Variants in RIF1 observed in about 807,000 individuals in gnomAD.
RIF1 encodes the protein replication timing regulatory factor 1.
Under a neutral mutation model 247.1 loss-of-function variants are expected in RIF1, and 45 were observed. That is an observed-to-expected ratio of 0.18 (90% confidence interval 0.14 to 0.23). The LOEUF is 0.23. Ranked by LOEUF, RIF1 falls within the 10% of genes least tolerant of loss-of-function variation. The pLI, the probability that RIF1 is intolerant of heterozygous loss-of-function variation, is 1.00. For synonymous variants in RIF1, 1,087 were observed against 978.8 expected (o/e 1.11, Z -2.06); for missense variants, 2,967 against 2,862.5 (o/e 1.04, Z -0.83).
At chr2:151,510,136 G>A (rs2153226678), downstream of RIF1, among the ~76,000 whole-genome samples, 1 of 152,252 alleles carries the variant, frequency 6.6e-6, no homozygotes, top group Middle Eastern at 3.4e-3. Context: ...ATTTAAATGG[G>A]TTCAGGTGCT....
At chr2:151,482,565 C>T (rs1343050729), downstream of RIF1, among the ~76,000 whole-genome samples, 2 of 152,122 alleles carry the variant, frequency 1.3e-5, no homozygotes, top group African/African-American at 4.8e-5. Flanking sequence ...CCAGGCTAGT[C>T]ACCAGATGAA....
intron 24 of RIF1, among the ~76,000 whole-genome samples, chr2:151,458,314 G>T (rs981058880): frequency 4.2e-5 from 6 of 141,500 alleles, no homozygotes; most frequent in Admixed American, 7.9e-5. Context: ...CTCACTGCAA[G>T]CTCTGCCTCC....
chr2:151,481,155 G>GT lies in RIF1; in HGVS notation c.*6087dup, dbSNP rs1208886394. The GT allele has an allele frequency of 6.6e-6, 1 of 152,200 alleles. No individual in the cohort carries two copies. Among genetic ancestry groups the GT allele is most frequent in the African/African-American group, 2.4e-5 (1 of 41,450 alleles). The allele number at this position is 152,200 out of a possible 1,614,324, so 9.4% of individuals were successfully genotyped here. A position where few individuals can be genotyped will look rare whatever the true frequency, so the allele number is the denominator to read the frequency against. ...AAAATACTGCCTGGCCTTTTAAAGAGTTTGTCAATCCCTTTTATGGAGGAA... is the reference window on the plus strand; with the variant it reads ...AAAATACTGCCTGGCCTTTTAAAGAGTTTTGTCAATCCCTTTTATGGAGGAA... On this transcript the variant is annotated 3_prime_UTR_variant, in exon 36 of 36. Transcript: ENST00000444746.
rs1305665325 is a variant in RIF1 at position 151,477,148 on chromosome 2, G to A, written c.*2077G>A. 1 of 152,160 alleles carries A rather than the reference G, an allele frequency of 6.6e-6. No homozygotes were observed. Among genetic ancestry groups the A allele is most frequent in the Non-Finnish European group, 1.5e-5 (1 of 68,022 alleles). The allele number at this position is 152,160 out of a possible 1,614,324, so 9.4% of individuals were successfully genotyped here. A position where few individuals can be genotyped will look rare whatever the true frequency, so the allele number is the denominator to read the frequency against. On this transcript the variant is annotated 3_prime_UTR_variant, in exon 36 of 36. Transcript: ENST00000444746. The stretch of plus-strand genomic sequence containing the variant: ...AATCTTCATTTTGCTATGGCTATAA[G>A]CATATATTTTTGGCAACTTATTTGC...
At chr2:151,506,647 T>A (rs991769992) in intron 13 of RIF1, among the ~76,000 whole-genome samples, 1 of 152,214 alleles carries the variant, frequency 6.6e-6, no homozygotes, top group Non-Finnish European at 1.5e-5. Flanking sequence ...TCCATCTTCT[T>A]GGAGCAAGAC....
chr2:151,526,146 G>A, the RIF1 span: 5 of 1,612,946 alleles, frequency 3.1e-6, no homozygotes, highest in African/African-American at 6.7e-5. Flanking sequence ...CTCATGGGCG[G>A]CTGGGGGTTA....
At chr2:151,511,117 T>G (rs1318389849), downstream of RIF1, among the ~76,000 whole-genome samples, 2 of 152,166 alleles carry the variant, frequency 1.3e-5, no homozygotes, top group African/African-American at 4.8e-5. Flanking sequence ...TGCTGAAGCT[T>G]TCGTTAAAGA....
At chr2:151,456,782 GAGTGC>G (rs1257519199) in intron 23 of RIF1, among the ~76,000 whole-genome samples, 162 bp downstream of exon 23, 1 of 152,114 alleles carries the variant, frequency 6.6e-6, no homozygotes, top group African/African-American at 2.4e-5. Flanking sequence ...ACCCAAGCTG[GAGTGC>G]AGTGGCAGGA....
intron 3 of RIF1, among the ~76,000 whole-genome samples, chr2:151,413,356 C>T (rs1335373090): frequency 1.3e-5 from 2 of 151,972 alleles, no homozygotes; most frequent in South Asian, 2.1e-4. Context: ...TTGCATTGTT[C>T]GTAAATAGGA....
Position 151,428,704 on chromosome 2 carries a change from G to GTGAA in RIF1, c.787-74_787-71dup, listed in dbSNP as rs1689544136. ...ATGAAGTCCTAAGAGCATCTGTTAA[G>GTGAA]TGAATGAATAAAGGAATGATAGCAA... On this transcript the variant is annotated intron_variant, in intron 8 of 35. Transcript: ENST00000444746. The GTGAA allele has an allele frequency of 3.6e-6, 4 of 1,107,122 alleles. No homozygotes were observed. In the East Asian group the frequency reaches 9.4e-5, roughly 26 times the overall value. The allele number at this position is 1,107,122 out of a possible 1,614,324, so 68.6% of individuals were successfully genotyped here. A position where few individuals can be genotyped will look rare whatever the true frequency, so the allele number is the denominator to read the frequency against.
At chr2:151,492,033 G>T (rs1253046275) in intron 9 of RIF1, 1 of 1,501,306 alleles carries the variant, frequency 6.7e-7, no homozygotes, top group African/African-American at 1.4e-5. Context: ...TGTAGGTAAT[G>T]CTACTTTTGT....
chr2:151,455,037 T>A lies in RIF1; in HGVS notation c.2487T>A (p.Thr829=), dbSNP rs150971887. The change falls in exon 22 of 36, where the codon ACT becomes ACA. Residue 829 remains threonine, a synonymous_variant. Transcript: ENST00000444746. The part of the protein sequence containing the change: ...FKEAHSDTLF[T]IGNSITGIIS... ...AAGCACATTCTGATACCCTCTTCAC[T>A]ATTGGCAACTCAATCACCGGCATTA... 4.1e-4 allele frequency: 662 copies of A among 1,613,794 alleles called. No individual in the cohort carries two copies. The highest frequency in any genetic ancestry group is 5.2e-4 in the Non-Finnish European group (608 of 1,179,848).
intron 6 of RIF1, among the ~76,000 whole-genome samples, chr2:151,417,892 A>G (rs13398916): frequency 0.015 from 2,295 of 152,304 alleles, 69 homozygotes; most frequent in African/African-American, 0.052. Context: ...CTCCTAGGCT[A>G]CAGACCTGTA....
exon 12 of RIF1, chr2:151,503,183 A>G: frequency 1.6e-6 from 1 of 611,726 alleles, no homozygotes; most frequent in East Asian, 2.8e-5. Flanking sequence ...TATAATCGGA[A>G]ATGTGAGTCA....
At chr2:151,497,903 G>A (rs1249143874) in intron 10 of RIF1, 2 of 1,479,758 alleles carry the variant, frequency 1.4e-6, no homozygotes, top group Non-Finnish European at 1.8e-6. Context: ...TAGAGAAGCA[G>A]GGACTTCAGC....
intron 16 of RIF1, among the ~76,000 whole-genome samples, chr2:151,442,841 G>A (rs10175134): frequency 0.27 from 38,513 of 143,152 alleles, 6,079 homozygotes; most frequent in Non-Finnish European, 0.36. Context: ...GCGTGATCTC[G>A]GCTCACTGCA....
rs2049123291 is a variant in RIF1, at chr2:151,480,531, A to C, written c.*5460A>C. On this transcript the variant is annotated 3_prime_UTR_variant, in exon 36 of 36. Transcript: ENST00000444746. ...TATTCTGTACATAGCACAGTATTAT[A>C]ATTGATGTTCATAAATACCCTGAGA... is the stretch of plus-strand genomic sequence containing the variant. 1 of 152,198 alleles carries C rather than the reference A, an allele frequency of 6.6e-6. No homozygotes were observed. Among genetic ancestry groups the C allele is most frequent in the South Asian group, 2.1e-4 (1 of 4,832 alleles). The allele number at this position is 152,198 out of a possible 1,614,324, so 9.4% of individuals were successfully genotyped here. A position where few individuals can be genotyped will look rare whatever the true frequency, so the allele number is the denominator to read the frequency against.
intron 9 of RIF1, chr2:151,494,116 G>A (rs1190669234): frequency 2.0e-6 from 3 of 1,495,408 alleles, no homozygotes; most frequent in Admixed American, 3.8e-5. Context: ...AACTGCAAGA[G>A]TTATTTTGCA....
At chr2:151,411,226 A>G (rs200551703) in intron 2 of RIF1, 34 bp from the exon 3 acceptor site, 64 of 1,293,588 alleles carry the variant, frequency 4.9e-5, no homozygotes, top group East Asian at 1.2e-4. Flanking sequence ...TTTCCTGTCA[A>G]CTACTTAAAC....
Sources: gnomAD v4.1 joint callset for allele counts (sites outside exome capture counted in the v4.1 genomes callset) on GRCh38, gnomAD v4.1.1 for gene constraint, MANE v1.5 for transcripts, NCBI Gene and HGNC (gene_info 2026-07-23, HGNC 2026-07-21) for gene names.